LRMDA: variants seen among roughly 807,000 people sequenced by gnomAD.
LRMDA encodes the protein leucine-rich melanocyte differentiation-associated protein.
In LRMDA, 18 loss-of-function variants were observed where a neutral mutation model predicts 29.8. The ratio of observed to expected loss-of-function variants is 0.60; its 90% confidence interval spans 0.42 to 0.90. The LOEUF (loss-of-function observed/expected upper bound fraction) is 0.90. Ranked by LOEUF, LRMDA falls within the 40% of genes least tolerant of loss-of-function variation. LRMDA has a pLI of 0.00. For synonymous variants in LRMDA, 125 were observed against 109.4 expected, an observed-to-expected ratio of 1.14 and a Z score of -0.89; for missense variants, 273 against 273.9, an observed-to-expected ratio of 1.00 and a Z score of 0.02.
At chr10:75,581,495 G>T (rs1263592819) in intron 2 of LRMDA, among the ~76,000 whole-genome samples, 2 of 152,164 alleles carry the variant, frequency 1.3e-5, no homozygotes, top group Non-Finnish European at 2.9e-5. Context: ...AACCATTGTG[G>T]AAGACAGTGT....
intron 2 of LRMDA, among the ~76,000 whole-genome samples, chr10:75,897,900 G>A (rs1017679146): frequency 1.6e-5 from 2 of 128,972 alleles, no homozygotes; most frequent in Non-Finnish European, 3.1e-5. Context: ...TCGGCTCACT[G>A]CAACCTCCAC....
intron 4 of LRMDA, 124 bp downstream of exon 4, chr10:76,047,427 T>C: frequency 9.9e-7 from 1 of 1,010,814 alleles, no homozygotes; most frequent in Non-Finnish European, 1.4e-6. Context: ...CATGACAATG[T>C]TAAACTTTTA....
rs141828268 is a variant in LRMDA at position 76,305,134 on chromosome 10, C to A, written c.517-19267C>A. 1.1e-3 allele frequency among the ~76,000 whole-genome samples: 173 copies of A among 152,296 alleles called. 1 individual carries two copies. The highest frequency in any genetic ancestry group is 4.0e-3 in the African/African-American group (166 of 41,582). ...CTTACCCTTCTGTAATCTGTCTGTG[C>A]AAGTGCACTTGCAGGATAAACCCAG... On this transcript the variant is annotated intron_variant, in intron 5 of 6. Transcript: ENST00000611255.
intron 5 of LRMDA, among the ~76,000 whole-genome samples, chr10:76,078,854 CA>C (rs34775672): frequency 0.37 from 56,767 of 151,514 alleles, 11,821 homozygotes; most frequent in Non-Finnish European, 0.46. Flanking sequence ...AACAAACAAA[CA>C]AAAAAAATGG....
intron 2 of LRMDA, among the ~76,000 whole-genome samples, chr10:75,980,667 C>T (rs1029606231): frequency 2.6e-5 from 4 of 152,192 alleles, no homozygotes; most frequent in African/African-American, 7.2e-5. Flanking sequence ...GCTGGAGGCT[C>T]AATGTGTTAC....
chr10:75,797,800 A>T (rs1288276494), intron 2 of LRMDA, among the ~76,000 whole-genome samples: 2 of 152,164 alleles, frequency 1.3e-5, no homozygotes, highest in Non-Finnish European at 2.9e-5. Flanking sequence ...TCAGTTGATG[A>T]TGAACAATGC....
chr10:75,912,080 C>A (rs1315108284), intron 2 of LRMDA, among the ~76,000 whole-genome samples: 1 of 152,128 alleles, frequency 6.6e-6, no homozygotes, highest in East Asian at 1.9e-4. Context: ...GAGGCACAGT[C>A]TTTTCTGTCT....
At chr10:76,163,410 C>T (rs1311972344) in intron 5 of LRMDA, among the ~76,000 whole-genome samples, 1 of 151,960 alleles carries the variant, frequency 6.6e-6, no homozygotes, top group Non-Finnish European at 1.5e-5. Flanking sequence ...CAGTCACATT[C>T]AATTCTAAAT....
chr10:76,505,480 T>A (rs531317164), intron 6 of LRMDA, among the ~76,000 whole-genome samples: 1 of 152,198 alleles, frequency 6.6e-6, no homozygotes, highest in Non-Finnish European at 1.5e-5. Flanking sequence ...TTTTAAAAAA[T>A]TTTTATCTGA....
chr10:76,353,050 GA>G (rs1389079318), intron 6 of LRMDA, among the ~76,000 whole-genome samples: 1 of 152,070 alleles, frequency 6.6e-6, no homozygotes, highest in Non-Finnish European at 1.5e-5. Context: ...CCTGTCTACA[GA>G]TTCACCTCTA....
At chr10:76,549,608 C>A (rs956409837) in intron 6 of LRMDA, among the ~76,000 whole-genome samples, 4 of 152,166 alleles carry the variant, frequency 2.6e-5, no homozygotes, top group East Asian at 3.9e-4. Flanking sequence ...ACAGTTTAGA[C>A]CCTATCATGC....
intron 5 of LRMDA, among the ~76,000 whole-genome samples, chr10:76,144,390 C>T (rs1850269056): frequency 6.6e-6 from 1 of 152,072 alleles, no homozygotes. Context: ...TGTAGTTCTC[C>T]TTGAAGAGGT....
At chr10:75,458,173 G>A (rs1042034491) in intron 2 of LRMDA, among the ~76,000 whole-genome samples, 5 of 152,200 alleles carry the variant, frequency 3.3e-5, no homozygotes, top group Admixed American at 1.3e-4. Flanking sequence ...ATGTAAAAGA[G>A]TTTTGTTCCT....
chr10:75,846,602 T>C (rs955386723), intron 2 of LRMDA, among the ~76,000 whole-genome samples: 7 of 152,218 alleles, frequency 4.6e-5, no homozygotes, highest in African/African-American at 1.7e-4. Context: ...TTTCATTAAG[T>C]CTTTTATTCA....
intron 2 of LRMDA, among the ~76,000 whole-genome samples, chr10:75,693,087 G>T (rs1842192072): frequency 6.6e-6 from 1 of 152,146 alleles, no homozygotes; most frequent in Admixed American, 6.5e-5. Flanking sequence ...CCTGTTGGCT[G>T]AGTGGTGTGG....
chr10:75,667,392 C>T (rs185926761), intron 2 of LRMDA, among the ~76,000 whole-genome samples: 2 of 152,296 alleles, frequency 1.3e-5, no homozygotes, highest in South Asian at 4.1e-4. Context: ...GCAGTCTTAA[C>T]CTCCCCAGTG....
At chr10:76,112,550 AG>A (rs1849598375) in intron 5 of LRMDA, among the ~76,000 whole-genome samples, 1 of 152,218 alleles carries the variant, frequency 6.6e-6, no homozygotes, top group African/African-American at 2.4e-5. Context: ...CAAGCCCGTC[AG>A]GGGGAAGGTC....
intron 6 of LRMDA, among the ~76,000 whole-genome samples, chr10:76,485,843 C>T (rs569718433): frequency 4.6e-5 from 7 of 151,810 alleles, no homozygotes; most frequent in East Asian, 3.9e-4. Flanking sequence ...GTTTCTCTCT[C>T]GGGGTTTTTT....
At position 76,398,962 on chromosome 10, in the gene LRMDA, T is replaced by C. The variant is rs373452253; in HGVS notation, c.601+74477T>C. ...AATGTGTGCTCATTTGTGTTTATGT[T>C]AATAAAGTAGGTCCTTGACTTTGTG... On this transcript the variant is annotated intron_variant, in intron 6 of 6. Transcript: ENST00000611255. Among the ~76,000 whole-genome samples, 66 of 152,296 alleles carry C rather than the reference T, an allele frequency of 4.3e-4. 1 individual carries two copies. In the South Asian group the frequency reaches 4.4e-3, roughly 10 times the overall value.
Sources: allele counts gnomAD v4.1 joint callset (sites outside exome capture counted in the v4.1 genomes callset), GRCh38; gene constraint gnomAD v4.1.1; transcripts MANE v1.5; gene names NCBI Gene and HGNC (gene_info 2026-07-23, HGNC 2026-07-21).